The following LEPR variants were observed in gnomAD, a reference collection of about 807,000 sequenced individuals.
The protein encoded by LEPR is leptin receptor, also known as OB receptor.
Under a neutral mutation model 114.7 loss-of-function variants are expected in LEPR, and 56 were observed. The observed-to-expected ratio is 0.49, with a 90% CI of 0.39 to 0.61. The LOEUF is 0.61. Among genes scored for constraint, LEPR ranks in the 20% least tolerant of loss-of-function variants. The probability of loss-of-function intolerance (pLI) is 0.00; values close to 1 mark genes in which losing one functional copy is unlikely to be tolerated. For missense variants in LEPR, 1,202 were observed against 1,352.9 expected, an observed-to-expected ratio of 0.89 and a Z score of 1.75; for synonymous variants, 443 against 461.4, an observed-to-expected ratio of 0.96 and a Z score of 0.51.
chr1:65,559,711 T>C (rs1193490386), intron 2 of LEPR, among the ~76,000 whole-genome samples: 2 of 134,532 alleles, frequency 1.5e-5, no homozygotes, highest in Non-Finnish European at 3.2e-5. Flanking sequence ...TTAATCCATC[T>C]TGAATTGATT....
At chr1:65,616,249 T>C in intron 15 of LEPR, 25 bp downstream of exon 15, 2 of 1,605,978 alleles carry the variant, frequency 1.2e-6, no homozygotes, top group African/African-American at 1.3e-5. Flanking sequence ...AGAGTGGTAA[T>C]CCATTGCCTC....
rs770318763 is a variant in LEPR at position 65,430,038 on chromosome 1, G to A, written c.-21+4660G>A. ...TTTGGATTTCCTGTTATTCTTGCTC[G>A]TGTGGCTGTGGTAAGTTTTATTTTC... On this transcript the variant is annotated intron_variant, in intron 2 of 19. Transcript: ENST00000349533. 10 of 1,555,014 alleles carry A rather than the reference G, an allele frequency of 6.4e-6. No homozygotes were observed. The highest frequency in any genetic ancestry group is 1.2e-5 in the South Asian group (1 of 85,124).
intron 2 of LEPR, among the ~76,000 whole-genome samples, chr1:65,436,676 TC>T (rs1196781723): frequency 3.3e-5 from 5 of 152,370 alleles, no homozygotes; most frequent in Admixed American, 1.3e-4. Flanking sequence ...CTGAGATTGC[TC>T]ATTTGGAGAA....
rs1019352893 is a variant in LEPR at position 65,451,404 on chromosome 1, G to T, written c.-21+26026G>T. Among the ~76,000 whole-genome samples, 90 of 152,038 alleles carry T rather than the reference G, an allele frequency of 5.9e-4. 1 individual carries two copies. Among genetic ancestry groups the T allele is most frequent in the African/African-American group, 2.0e-3 (84 of 41,468 alleles). On this transcript the variant is annotated intron_variant, in intron 2 of 19. Transcript: ENST00000349533. ...TAGGTTTTCTTCTAGGGTTTTTATGGTTTTAGGTCTAATGTTTAAGTCTTT... is the reference window on the plus strand; with the variant it reads ...TAGGTTTTCTTCTAGGGTTTTTATGTTTTTAGGTCTAATGTTTAAGTCTTT...
chr1:65,455,728 T>C (rs1396590948), intron 2 of LEPR, among the ~76,000 whole-genome samples: 4 of 152,314 alleles, frequency 2.6e-5, no homozygotes, highest in Non-Finnish European at 4.4e-5. Context: ...GTTACTGCTG[T>C]CTTTTTGTTT....
intron 2 of LEPR, among the ~76,000 whole-genome samples, chr1:65,557,410 A>T (rs1364694672): frequency 6.6e-6 from 1 of 152,052 alleles, no homozygotes; most frequent in Non-Finnish European, 1.5e-5. Flanking sequence ...AATTTAAAAA[A>T]TTTCTGTCAC....
intron 3 of LEPR, among the ~76,000 whole-genome samples, chr1:65,569,614 G>A (rs908489184): frequency 2.7e-5 from 4 of 150,154 alleles, no homozygotes; most frequent in Admixed American, 2.0e-4. Context: ...GGCTGAGGCA[G>A]GAGAATTGCT....
chr1:65,619,864 T>A, intron 16 of LEPR, 64 bp from the exon 17 acceptor site: 1 of 1,219,696 alleles, frequency 8.2e-7, no homozygotes, highest in East Asian at 2.4e-5. Context: ...TTTTTTAAAA[T>A]GTATGTTCCA....
At chr1:65,575,730 G>A (rs1412825643) in intron 5 of LEPR, among the ~76,000 whole-genome samples, 2 of 151,390 alleles carry the variant, frequency 1.3e-5, no homozygotes, top group East Asian at 3.9e-4. Flanking sequence ...ATCATTAAAG[G>A]GGATTAAAAA....
At chr1:65,496,819 G>A (rs1419618969) in intron 2 of LEPR, among the ~76,000 whole-genome samples, 1 of 152,062 alleles carries the variant, frequency 6.6e-6, no homozygotes, top group Non-Finnish European at 1.5e-5. Context: ...TGTGACTTGA[G>A]ATGTAGTCCT....
chr1:65,438,548 C>CAAAAAAAAAAAAAAAAA (rs1159617552), intron 2 of LEPR, among the ~76,000 whole-genome samples: 1 of 67,794 alleles, frequency 1.5e-5, no homozygotes, highest in Non-Finnish European at 2.7e-5. Flanking sequence ...GACTCTGTCT[C>CAAAAAAAAAAAAAAAAA]AAAAAAAAAA....
Position 65,463,207 on chromosome 1 carries a change from T to C in LEPR, c.-21+37829T>C, listed in dbSNP as rs368199384. Among the ~76,000 whole-genome samples, 7 of 152,326 alleles carry C rather than the reference T, an allele frequency of 4.6e-5. No individual in the cohort carries two copies. In the East Asian group the frequency reaches 1.2e-3, roughly 25 times the overall value. On this transcript the variant is annotated intron_variant, in intron 2 of 19. Transcript: ENST00000349533. ...AGGAAGGAATCCAGTTTCAGCTTTC[T>C]ACATATGGCTAGCCAGTTTTCCCAG...
rs1557657930 is a variant in LEPR at position 65,552,167 on chromosome 1, A to C, written c.-20-13379A>C. ...AGAATAAGCGCGATGTGGTGCTGAG[A>C]AGAATGTATATTCTGTTGATTTGGG... On this transcript the variant is annotated intron_variant, in intron 2 of 19. Transcript: ENST00000349533. 2.0e-5 allele frequency among the ~76,000 whole-genome samples: 3 copies of C among 152,314 alleles called. No individual in the cohort carries two copies. In the East Asian group the frequency reaches 5.8e-4, roughly 29 times the overall value.
intron 6 of LEPR, among the ~76,000 whole-genome samples, chr1:65,593,908 A>G (rs775592930): frequency 1.1e-4 from 16 of 152,090 alleles, no homozygotes; most frequent in Admixed American, 3.9e-4. Context: ...ATTTTTTAGT[A>G]GCATTTAGAG....
intron 2 of LEPR, among the ~76,000 whole-genome samples, chr1:65,558,556 T>TTTTTTG (rs1653044614): frequency 1.2e-5 from 1 of 81,174 alleles, no homozygotes; most frequent in African/African-American, 5.1e-5. Flanking sequence ...TTTGTTTTTT[T>TTTTTTG]TTTTTTTTAT....
At chr1:65,502,571 A>G (rs983151385) in intron 2 of LEPR, among the ~76,000 whole-genome samples, 1 of 152,156 alleles carries the variant, frequency 6.6e-6, no homozygotes, top group Middle Eastern at 3.2e-3. Flanking sequence ...GGATGGAGAA[A>G]GGGAATAACA....
chr1:65,435,510 G>T (rs1411206354), intron 2 of LEPR: 1 of 376,408 alleles, frequency 2.7e-6, no homozygotes, highest in Non-Finnish European at 3.7e-6. Flanking sequence ...TGGGACTACA[G>T]GCTCCCGCCA....
chr1:65,586,118 T>A (rs982045471), intron 5 of LEPR, among the ~76,000 whole-genome samples: 19 of 152,158 alleles, frequency 1.2e-4, no homozygotes, highest in African/African-American at 4.6e-4. Context: ...ACAGTGAAAT[T>A]TATCTTGTGA....
chr1:65,570,137 T>C (rs534456389), intron 3 of LEPR, among the ~76,000 whole-genome samples: 62 of 152,344 alleles, frequency 4.1e-4, no homozygotes, highest in African/African-American at 1.5e-3. Context: ...GAAGCTAGAA[T>C]AATATGCTTT....
Sources: allele counts gnomAD v4.1 joint callset (sites outside exome capture counted in the v4.1 genomes callset), GRCh38; gene constraint gnomAD v4.1.1; transcripts MANE v1.5; gene names NCBI Gene and HGNC (gene_info 2026-07-23, HGNC 2026-07-21).